MYO7A: variants seen among roughly 807,000 people sequenced by gnomAD.
The protein encoded by MYO7A is myosin VIIA.
MYO7A carries 210 observed loss-of-function variants against 263.8 expected under a neutral mutation model. The observed-to-expected ratio is 0.80, with a 90% CI of 0.71 to 0.89. MYO7A has a LOEUF of 0.89. Among genes scored for constraint, MYO7A ranks in the 40% least tolerant of loss-of-function variants. The probability of loss-of-function intolerance (pLI) is 0.00; values close to 1 mark genes in which losing one functional copy is unlikely to be tolerated. For synonymous variants in MYO7A, 1,239 were observed against 1,197.3 expected (o/e 1.03, Z -0.72); for missense variants, 2,820 against 2,968.3 (o/e 0.95, Z 1.16).
chr11:77,213,852 TC>T lies in MYO7A; in HGVS notation c.6439-3del. On this transcript the variant is annotated splice_region_variant and splice_polypyrimidine_tract_variant and intron_variant, in intron 47 of 48. Coordinates refer to ENST00000409709, the MANE Select transcript of MYO7A (RefSeq NM_000260.4). ...CCGTGCCTCTCTATGCCCTTTCTGC[TC>T]CCCCAGGATATCCTCACCACTCATC... The T allele has an allele frequency of 6.2e-7, 1 of 1,613,870 alleles. No individual in the cohort carries two copies.
intron 4 of MYO7A, among the ~76,000 whole-genome samples, chr11:77,153,342 C>T (rs1952147179): frequency 6.6e-6 from 1 of 151,966 alleles, no homozygotes; most frequent in African/African-American, 2.4e-5. Context: ...CTGGAGAGAG[C>T]AGGGTTGGAG....
Position 77,214,852 on chromosome 11 carries a change from G to A in MYO7A, c.*156G>A, listed in dbSNP as rs1198231005. 5.0e-6 allele frequency: 3 copies of A among 605,050 alleles called. No homozygotes were observed. In the East Asian group the frequency reaches 8.4e-5, roughly 17 times the overall value. 37.5% of individuals were successfully genotyped at this position (605,050 alleles called of 1,614,324 possible). A position where few individuals can be genotyped will look rare whatever the true frequency, so the allele number is the denominator to read the frequency against. On this transcript the variant is annotated 3_prime_UTR_variant, in exon 49 of 49. Transcript: ENST00000409709. ...TGACTATACCAACTGGGCCTCTGAT[G>A]TTCTTCCAGTGAGGCATCTCTCTGG...
intron 27 of MYO7A, among the ~76,000 whole-genome samples, chr11:77,188,913 G>C (rs954071088): frequency 6.6e-6 from 1 of 152,184 alleles, no homozygotes; most frequent in Non-Finnish European, 1.5e-5. Context: ...CGTTGCCATG[G>C]GTAGAAGTTG....
rs201332147 is a variant in MYO7A at position 77,162,198 on chromosome 11, G to A, written c.1422G>A (p.Gln474=). The A allele has an allele frequency of 6.1e-4, 974 of 1,594,874 alleles. No individual in the cohort carries two copies. Among genetic ancestry groups the A allele is most frequent in the Non-Finnish European group, 8.0e-4 (933 of 1,170,306 alleles). The change falls in exon 13 of 49, where the codon CAG becomes CAA. Residue 474 remains glutamine, a synonymous_variant. Transcript: ENST00000409709. ...FFVRHVFKLE[Q]EEYDLESIDW... Reference sequence around the variant, plus strand: ...TGCGGCACGTGTTCAAGCTGGAGCAGGAGGAATATGACCTGGAGAGCATTG... The same window carrying A: ...TGCGGCACGTGTTCAAGCTGGAGCAAGAGGAATATGACCTGGAGAGCATTG...
intron 38 of MYO7A, among the ~76,000 whole-genome samples, chr11:77,203,488 T>C (rs1219380198): frequency 1.3e-5 from 2 of 152,178 alleles, no homozygotes; most frequent in Admixed American, 6.5e-5. Flanking sequence ...CCTGGCCTCA[T>C]GGGACCATAC....
chr11:77,198,570 A>C lies in MYO7A; in HGVS notation c.4517A>C (p.Gln1506Pro). 6.2e-7 allele frequency: 1 copy of C among 1,613,956 alleles called. No homozygotes were observed. The highest frequency in any genetic ancestry group is 8.5e-7 in the Non-Finnish European group (1 of 1,179,894). ...GTGTACTTTGTGGATGAGCAGGAGC[A>C]GGTACTTCTGGAGCTGTCCTTCCCA... ...TGVYFVDEQE[Q>P]VLLELSFPEI... Residue 1506 changes from glutamine (Q) to proline (P), a missense_variant, in exon 34 of 49, where the codon CAG becomes CCG. Physicochemically the swap from Gln to Pro is moderately conservative, Grantham distance 76. Transcript: ENST00000409709.
intron 14 of MYO7A, among the ~76,000 whole-genome samples, 155 bp from the exon 15 acceptor site, chr11:77,165,901 G>A (rs542936807): frequency 4.8e-5 from 7 of 146,372 alleles, no homozygotes; most frequent in South Asian, 2.1e-4. Flanking sequence ...ATGATCTTGG[G>A]CAAGTCTCTG....
intron 32 of MYO7A, among the ~76,000 whole-genome samples, chr11:77,197,015 G>C (rs543705074): frequency 5.3e-4 from 81 of 152,314 alleles, no homozygotes; most frequent in African/African-American, 1.9e-3. Context: ...AGATTCACCA[G>C]ATCAGTTTCT....
Position 77,197,340 on chromosome 11 carries a change from G to C in MYO7A, c.4324-141G>C, listed in dbSNP as rs888022295. On this transcript the variant is annotated intron_variant, in intron 32 of 48. Coordinates refer to ENST00000409709, the MANE Select transcript of MYO7A (RefSeq NM_000260.4). ...GGTGGGGACAGGGTGGCTGCAGACA[G>C]ATGGGAGCAGGGCAAGGCCACGATG... is the stretch of plus-strand genomic sequence containing the variant. The C allele has an allele frequency of 1.9e-5, 12 of 621,280 alleles. No homozygotes were observed. The African/African-American group carries it at 2.2e-4, about 11-fold the overall frequency. 38.5% of individuals were successfully genotyped at this position (621,280 alleles called of 1,614,324 possible).
At chr11:77,177,218 A>G (rs1954722358) in intron 18 of MYO7A, among the ~76,000 whole-genome samples, 1 of 152,202 alleles carries the variant, frequency 6.6e-6, no homozygotes, top group African/African-American at 2.4e-5. Context: ...CTGATGTGAC[A>G]GGGACGTCTA....
intron 18 of MYO7A, among the ~76,000 whole-genome samples, chr11:77,177,029 A>C (rs900195398): frequency 2.0e-5 from 3 of 152,154 alleles, no homozygotes; most frequent in Non-Finnish European, 4.4e-5. Context: ...CCCAGGCTCG[A>C]CGTGGGGAAC....
rs774484163 is a variant in MYO7A, at chr11:77,213,947, C to T, written c.6526C>T (p.Arg2176Cys). Reference protein sequence around the residue: ...YFHITIGNLVRGSKLLCETSL... With the variant: ...YFHITIGNLVCGSKLLCETSL... ...CCACATCACCATTGGGAACTTGGTG[C>T]GCGGGAGCAAACTGCTCTGCGAGAC... Residue 2176 changes from arginine to cysteine, a missense_variant, in exon 48 of 49, where the codon CGC becomes TGC. Physicochemically the swap from Arg to Cys is radical, Grantham distance 180. Transcript: ENST00000409709. 5.0e-6 allele frequency: 8 copies of T among 1,614,070 alleles called. No homozygotes were observed. Among genetic ancestry groups the T allele is most frequent in the East Asian group, 2.2e-5 (1 of 44,884 alleles).
chr11:77,174,925 G>A lies in MYO7A; in HGVS notation c.2094+11G>A. The A allele has an allele frequency of 1.2e-6, 2 of 1,610,632 alleles. No individual in the cohort carries two copies. The highest frequency in any genetic ancestry group is 1.7e-6 in the Non-Finnish European group (2 of 1,177,424). On this transcript the variant is annotated intron_variant, in intron 17 of 48. Coordinates refer to ENST00000409709, the MANE Select transcript of MYO7A (RefSeq NM_000260.4). ...CCGGCCTACAAGCAGGTACAGGGCT[G>A]AGTGCACAGAGGGCAGGAGGGGAGG...
intron 3 of MYO7A, among the ~76,000 whole-genome samples, chr11:77,143,023 T>G (rs1951324929): frequency 6.6e-6 from 1 of 152,190 alleles, no homozygotes; most frequent in Non-Finnish European, 1.5e-5. Flanking sequence ...CTACTTGTTC[T>G]GTTTCCACAA....
intron 2 of MYO7A, among the ~76,000 whole-genome samples, chr11:77,132,249 C>T (rs979363069): frequency 2.6e-5 from 4 of 152,122 alleles, no homozygotes; most frequent in African/African-American, 9.7e-5. Flanking sequence ...GGTCCACAGT[C>T]CTCCTCCTTT....
rs1489191181 is a variant in MYO7A at position 77,204,059 on chromosome 11, T to C, written c.5327-17T>C. The stretch of plus-strand genomic sequence containing the variant: ...GCTCCCTCTATTCGGCACAAGCCCT[T>C]CCTTGACAGTCCCCAGCTGTGCTCA... On this transcript the variant is annotated splice_polypyrimidine_tract_variant and intron_variant, in intron 38 of 48. Coordinates refer to ENST00000409709, the MANE Select transcript of MYO7A (RefSeq NM_000260.4). 1.3e-6 allele frequency: 2 copies of C among 1,590,930 alleles called. No individual in the cohort carries two copies. Among genetic ancestry groups the C allele is most frequent in the South Asian group, 2.3e-5 (2 of 87,008 alleles).
Position 77,212,975 on chromosome 11 carries a change from T to C in MYO7A, c.6378T>C (p.Pro2126=), listed in dbSNP as rs1016464733. 6.3e-7 allele frequency: 1 copy of C among 1,595,842 alleles called. No individual in the cohort carries two copies. Residue 2126 remains proline (P), a synonymous_variant, in exon 47 of 49, where the codon CCT becomes CCC. Coordinates refer to ENST00000409709, the MANE Select transcript of MYO7A (RefSeq NM_000260.4). ...AGCAAACTACGGAGCCAAACTTCCC[T>C]GAGATCCTCCTAATTGCCATCAACA... The part of the protein sequence containing the change: ...EVKQTTEPNF[P]EILLIAINKY...
intron 7 of MYO7A, 134 bp from the exon 8 acceptor site, chr11:77,157,145 C>A: frequency 1.4e-6 from 2 of 1,411,008 alleles, no homozygotes; most frequent in Non-Finnish European, 2.0e-6. Flanking sequence ...TGCTGGAAAT[C>A]CCACCATGAA....
intron 1 of MYO7A, among the ~76,000 whole-genome samples, chr11:77,129,128 G>A (rs1950690554): frequency 6.6e-6 from 1 of 152,238 alleles, no homozygotes; most frequent in Non-Finnish European, 1.5e-5. Flanking sequence ...CCATCCCTTG[G>A]AGCCCCATGT....
Sources: allele counts gnomAD v4.1 joint callset (sites outside exome capture counted in the v4.1 genomes callset), GRCh38; gene constraint gnomAD v4.1.1; transcripts MANE v1.5; gene names NCBI Gene and HGNC (gene_info 2026-07-23, HGNC 2026-07-21).